LRRC4C: variants seen among roughly 807,000 people sequenced by gnomAD.
The protein encoded by LRRC4C is leucine rich repeat containing 4C.
In LRRC4C, 5 loss-of-function variants were observed where a neutral mutation model predicts 33.6. The ratio of observed to expected loss-of-function variants is 0.15; its 90% CI spans 0.08 to 0.31. The LOEUF is 0.31. Among genes scored for constraint, LRRC4C ranks in the 10% least tolerant of loss-of-function variants. The probability of loss-of-function intolerance (pLI) is 1.00; values close to 1 mark genes in which losing one functional copy is unlikely to be tolerated. For synonymous variants in LRRC4C, 329 were observed against 302.0 expected, an observed-to-expected ratio of 1.09 and a Z score of -0.93; for missense variants, 560 against 796.7, an observed-to-expected ratio of 0.70 and a Z score of 3.58.
chr11:40,254,645 AT>A (rs1398002542), intron 4 of LRRC4C, among the ~76,000 whole-genome samples: 1 of 152,184 alleles, frequency 6.6e-6, no homozygotes, highest in Non-Finnish European at 1.5e-5. Flanking sequence ...GCATATGAAT[AT>A]TTTCATTCAT....
chr11:41,350,611 TC>T (rs1159414129), intron 1 of LRRC4C, among the ~76,000 whole-genome samples: 1 of 151,768 alleles, frequency 6.6e-6, no homozygotes, highest in Non-Finnish European at 1.5e-5. Flanking sequence ...CACATGGGCA[TC>T]TCAGCAATGA....
At chr11:40,333,602 A>T (rs1271641991) in intron 3 of LRRC4C, among the ~76,000 whole-genome samples, 2 of 151,270 alleles carry the variant, frequency 1.3e-5, no homozygotes, top group East Asian at 3.9e-4. Context: ...CTGTAATCCC[A>T]GCTACTCAGG....
intron 3 of LRRC4C, among the ~76,000 whole-genome samples, chr11:40,428,756 T>C (rs1391689191): frequency 6.6e-6 from 1 of 152,168 alleles, no homozygotes; most frequent in African/African-American, 2.4e-5. Flanking sequence ...GAAACTATTT[T>C]CCAGTGGTCT....
At chr11:41,236,140 C>T (rs971416205) in intron 1 of LRRC4C, among the ~76,000 whole-genome samples, 24 of 152,170 alleles carry the variant, frequency 1.6e-4, no homozygotes, top group African/African-American at 5.5e-4. Context: ...ATTCTACTAC[C>T]TTCTTCCTGA....
intron 2 of LRRC4C, among the ~76,000 whole-genome samples, chr11:40,851,657 T>C (rs982791708): frequency 3.9e-5 from 6 of 151,996 alleles, no homozygotes; most frequent in African/African-American, 1.4e-4. Flanking sequence ...AAAGACAAAC[T>C]GTTTCCCAGC....
At chr11:40,292,198 T>C (rs1944241181) in intron 4 of LRRC4C, 1 of 152,114 alleles carries the variant, frequency 6.6e-6, no homozygotes, top group South Asian at 2.1e-4. Context: ...CTCACTGTAT[T>C]TCAGACTGAT....
At chr11:41,345,836 A>ATT (rs1359980567) in intron 1 of LRRC4C, among the ~76,000 whole-genome samples, 1 of 152,194 alleles carries the variant, frequency 6.6e-6, no homozygotes, top group African/African-American at 2.4e-5. Context: ...CTTCCTGATG[A>ATT]ATTCTATAAT....
chr11:40,338,942 A>C (rs895285460), intron 3 of LRRC4C, among the ~76,000 whole-genome samples: 2 of 152,230 alleles, frequency 1.3e-5, no homozygotes, highest in African/African-American at 4.8e-5. Context: ...AGAAAGCCAA[A>C]GATGAATACT....
chr11:40,812,280 ACT>A (rs1297621644), intron 2 of LRRC4C, among the ~76,000 whole-genome samples: 1 of 151,948 alleles, frequency 6.6e-6, no homozygotes, highest in Non-Finnish European at 1.5e-5. Context: ...TGATTTAGCA[ACT>A]CTCACTTGTT....
intron 1 of LRRC4C, among the ~76,000 whole-genome samples, chr11:41,306,129 T>A (rs562446036): frequency 6.6e-6 from 1 of 152,168 alleles, no homozygotes; most frequent in South Asian, 2.1e-4. Flanking sequence ...GTCTAGAGGC[T>A]CACTTACTTC....
chr11:40,976,074 C>A (rs1051337755), intron 1 of LRRC4C, among the ~76,000 whole-genome samples: 3 of 152,100 alleles, frequency 2.0e-5, no homozygotes, highest in Non-Finnish European at 4.4e-5. Context: ...GTCATCCTGC[C>A]AATTAGGTAT....
intron 1 of LRRC4C, among the ~76,000 whole-genome samples, chr11:41,022,142 T>TTA (rs142909883): frequency 0.36 from 49,755 of 138,722 alleles, 9,484 homozygotes; most frequent in South Asian, 0.49. Flanking sequence ...CAATTTTGTT[T>TTA]TATATATATA....
chr11:40,725,514 TA>T (rs1371677133), intron 2 of LRRC4C, among the ~76,000 whole-genome samples: 455 of 138,330 alleles, frequency 3.3e-3, no homozygotes, highest in Admixed American at 3.1e-3. Flanking sequence ...AGACTCTGTT[TA>T]AAAAAAAAAA....
intron 5 of LRRC4C, among the ~76,000 whole-genome samples, chr11:40,183,499 A>G (rs1274588184): frequency 6.6e-6 from 1 of 152,208 alleles, no homozygotes; most frequent in East Asian, 1.9e-4. Flanking sequence ...AGGTGAGAAG[A>G]CTAGAATCAA....
chr11:41,178,502 C>T (rs1374130121), intron 1 of LRRC4C, among the ~76,000 whole-genome samples: 1 of 152,080 alleles, frequency 6.6e-6, no homozygotes, highest in Non-Finnish European at 1.5e-5. Flanking sequence ...TACAGGGGTG[C>T]ACCACCAGGT....
intron 2 of LRRC4C, among the ~76,000 whole-genome samples, chr11:40,688,206 TCA>T (rs1379984497): frequency 6.6e-6 from 1 of 152,136 alleles, no homozygotes; most frequent in Non-Finnish European, 1.5e-5. Context: ...GTAGATGTTA[TCA>T]CACAGAGCTG....
chr11:40,787,273 G>A (rs1327497108), intron 2 of LRRC4C, among the ~76,000 whole-genome samples: 2 of 152,142 alleles, frequency 1.3e-5, no homozygotes, highest in Admixed American at 1.3e-4. Flanking sequence ...GGGGGGGTAG[G>A]GGGAGGAACA....
intron 1 of LRRC4C, among the ~76,000 whole-genome samples, chr11:41,418,014 CCACA>C: frequency 6.6e-6 from 1 of 151,292 alleles, no homozygotes; most frequent in East Asian, 2.0e-4. Context: ...ATAGACCCCC[CCACA>C]CACACATATG....
chr11:40,790,919 G>C (rs763603861), intron 2 of LRRC4C, among the ~76,000 whole-genome samples: 1 of 152,214 alleles, frequency 6.6e-6, no homozygotes, highest in Non-Finnish European at 1.5e-5. Flanking sequence ...TAATAGGACT[G>C]TGCCACAATG....
Sources: gnomAD v4.1 joint callset for allele counts (sites outside exome capture counted in the v4.1 genomes callset) on GRCh38, gnomAD v4.1.1 for gene constraint, MANE v1.5 for transcripts, NCBI Gene and HGNC (gene_info 2026-07-23, HGNC 2026-07-21) for gene names.